MTREX: variants seen among roughly 807,000 people sequenced by gnomAD.
MTREX encodes the protein exosome RNA helicase MTR4.
In MTREX, 76 loss-of-function variants were observed where a neutral mutation model predicts 135.4. The observed-to-expected ratio is 0.56, with a 90% confidence interval of 0.47 to 0.68. The LOEUF is 0.68. MTREX is among the 30% of genes least tolerant of loss of function. The pLI, the probability that MTREX is intolerant of heterozygous loss-of-function variation, is 0.00. For missense variants in MTREX, 920 were observed against 1,262.1 expected, an observed-to-expected ratio of 0.73 and a Z score of 4.11; for synonymous variants, 404 against 401.6, an observed-to-expected ratio of 1.01 and a Z score of -0.07.
intron 1 of MTREX, among the ~76,000 whole-genome samples, chr5:55,309,270 G>A (rs1300041541): frequency 1.3e-5 from 2 of 152,140 alleles, no homozygotes; most frequent in Non-Finnish European, 2.9e-5. Context: ...TGAATATCAA[G>A]CAGAGGAGTT....
chr5:55,343,287 C>T, intron 7 of MTREX, 44 bp from the exon 8 acceptor site: 1 of 1,528,214 alleles, frequency 6.5e-7, no homozygotes, highest in Non-Finnish European at 8.9e-7. Flanking sequence ...CAGAGTGACA[C>T]TGTAGTCCAA....
intron 23 of MTREX, 45 bp downstream of exon 23, chr5:55,410,674 C>A: frequency 8.6e-7 from 1 of 1,168,086 alleles, no homozygotes; most frequent in South Asian, 1.3e-5. Context: ...ATTCACACAT[C>A]ATGTAGTTAA....
Position 55,349,646 on chromosome 5 carries a change from C to T in MTREX, c.1314C>T (p.Leu438=), listed in dbSNP as rs1454468596. ...IDCLSDEDKK[L]PQVEHVLPLL... is the part of the protein sequence containing the mutation. Reference sequence around the variant, plus strand: ...GCTTATCCGATGAAGATAAAAAACTCCCTCAGGTGAGTTTTCAGTATCAGT... The same window carrying T: ...GCTTATCCGATGAAGATAAAAAACTTCCTCAGGTGAGTTTTCAGTATCAGT... The change falls in exon 12 of 27, where the codon CTC becomes CTT. Residue 438 remains leucine (L), a synonymous_variant. Coordinates refer to ENST00000230640, the MANE Select transcript of MTREX (RefSeq NM_015360.5). 11 of 1,566,228 alleles carry T rather than the reference C, an allele frequency of 7.0e-6. No individual in the cohort carries two copies. Among genetic ancestry groups the T allele is most frequent in the Non-Finnish European group, 9.7e-6 (11 of 1,137,532 alleles).
intron 1 of MTREX, among the ~76,000 whole-genome samples, chr5:55,309,328 G>A (rs1232454077): frequency 6.6e-6 from 1 of 152,146 alleles, no homozygotes; most frequent in Non-Finnish European, 1.5e-5. Flanking sequence ...TGGATAAGTA[G>A]AATGATAGTT....
chr5:55,392,175 C>G (rs1387517383), intron 19 of MTREX, among the ~76,000 whole-genome samples: 1 of 152,102 alleles, frequency 6.6e-6, no homozygotes, highest in Non-Finnish European at 1.5e-5. Flanking sequence ...GTGTGGCCAC[C>G]AAGGTCTCTG....
intron 19 of MTREX, among the ~76,000 whole-genome samples, chr5:55,393,392 T>C (rs1750600262): frequency 6.6e-6 from 1 of 152,232 alleles, no homozygotes; most frequent in Non-Finnish European, 1.5e-5. Context: ...AATTAATCAA[T>C]AGCACATTGG....
At chr5:55,397,382 T>G in intron 19 of MTREX, 34 bp from the exon 20 acceptor site, 1 of 1,377,864 alleles carries the variant, frequency 7.3e-7, no homozygotes, top group Non-Finnish European at 1.0e-6. Context: ...ATGTGCAAAT[T>G]TAACTGTAAT....
At chr5:55,338,224 A>G (rs1381106289) in intron 5 of MTREX, among the ~76,000 whole-genome samples, 1 of 152,106 alleles carries the variant, frequency 6.6e-6, no homozygotes, top group African/African-American at 2.4e-5. Flanking sequence ...TTTCTTACAG[A>G]GTAGTTTTAT....
At chr5:55,347,251 CTTACAG>C (rs1261999417) in intron 11 of MTREX, 107 bp downstream of exon 11, 3 of 1,125,104 alleles carry the variant, frequency 2.7e-6, no homozygotes, top group Non-Finnish European at 3.8e-6. Flanking sequence ...TGCCATTCAC[CTTACAG>C]TTACAGCAGT....
chr5:55,338,892 G>A (rs190465456), intron 5 of MTREX, among the ~76,000 whole-genome samples: 1 of 143,208 alleles, frequency 7.0e-6, no homozygotes. Flanking sequence ...CTGGATTCAA[G>A]CAGTTCTCCT....
At chr5:55,353,779 CAA>C (rs964044635) in intron 14 of MTREX, among the ~76,000 whole-genome samples, 1 of 150,096 alleles carries the variant, frequency 6.7e-6, no homozygotes, top group East Asian at 1.9e-4. Flanking sequence ...ACCTCTCCTT[CAA>C]AAAAAAAGAG....
intron 1 of MTREX, among the ~76,000 whole-genome samples, chr5:55,310,284 A>G (rs1749089660): frequency 6.6e-6 from 1 of 152,242 alleles, no homozygotes; most frequent in African/African-American, 2.4e-5. Context: ...TTTACTACCA[A>G]CACTTCTAGC....
chr5:55,380,273 T>TA (rs1302860057), intron 18 of MTREX, among the ~76,000 whole-genome samples: 2 of 152,124 alleles, frequency 1.3e-5, no homozygotes, highest in Non-Finnish European at 2.9e-5. Context: ...ATGGAGATGA[T>TA]ACACACTCTA....
intron 12 of MTREX, 141 bp from the exon 13 acceptor site, chr5:55,350,778 A>C: frequency 1.4e-6 from 1 of 694,532 alleles, no homozygotes; most frequent in Non-Finnish European, 2.3e-6. Flanking sequence ...TATAGGTTTG[A>C]GTTTTGCTTT....
rs1020986609 is a variant in MTREX, at chr5:55,414,075, T to G, written c.2752-107T>G. 3 of 723,826 alleles carry G rather than the reference T, an allele frequency of 4.1e-6. No individual in the cohort carries two copies. In the African/African-American group the frequency reaches 5.4e-5, roughly 13 times the overall value. 44.8% of individuals were successfully genotyped at this position (723,826 alleles called of 1,614,324 possible). A position where few individuals can be genotyped will look rare whatever the true frequency, so the allele number is the denominator to read the frequency against. On this transcript the variant is annotated intron_variant, in intron 23 of 26. Coordinates refer to ENST00000230640, the MANE Select transcript of MTREX (RefSeq NM_015360.5). ...ATGCTGATGACTAAGGTCTTATAAT[T>G]TGATATGTGACTATCTTACAAGCTT...
rs557131332 is a variant in MTREX at position 55,332,804 on chromosome 5, C to T, written c.515+3993C>T. On this transcript the variant is annotated intron_variant, in intron 5 of 26. Coordinates refer to ENST00000230640, the MANE Select transcript of MTREX (RefSeq NM_015360.5). ...GGCAATTAAATTTCTACATACATTT[C>T]GTAGGGGTCATCTAAATCATAGTAG... 1.2e-4 allele frequency among the ~76,000 whole-genome samples: 18 copies of T among 152,254 alleles called. 1 individual carries two copies. The South Asian group carries it at 3.7e-3, about 32-fold the overall frequency.
intron 21 of MTREX, among the ~76,000 whole-genome samples, chr5:55,403,734 G>A (rs909916948): frequency 2.6e-5 from 4 of 152,184 alleles, no homozygotes; most frequent in Non-Finnish European, 4.4e-5. Context: ...TGTCTAGCTT[G>A]GAAAGCATTG....
intron 14 of MTREX, 66 bp downstream of exon 14, chr5:55,353,335 C>T (rs1049769995): frequency 1.3e-5 from 13 of 1,014,586 alleles, no homozygotes; most frequent in Admixed American, 4.3e-5. Flanking sequence ...AACTGGCTTA[C>T]ATAGTCTTTG....
At chr5:55,362,445 C>T (rs1237507177) in intron 15 of MTREX, among the ~76,000 whole-genome samples, 2 of 151,974 alleles carry the variant, frequency 1.3e-5, no homozygotes, top group Non-Finnish European at 2.9e-5. Context: ...ACTGCGACCT[C>T]CGCCTCCTGG....
Sources: gnomAD v4.1 joint callset for allele counts (sites outside exome capture counted in the v4.1 genomes callset) on GRCh38, gnomAD v4.1.1 for gene constraint, MANE v1.5 for transcripts, NCBI Gene and HGNC (gene_info 2026-07-23, HGNC 2026-07-21) for gene names.